GNAS: variants seen among roughly 807,000 people sequenced by gnomAD.
GNAS encodes the protein GNAS complex locus.
A neutral mutation model predicts 54.5 loss-of-function variants in GNAS; 8 were observed. The ratio of observed to expected loss-of-function variants is 0.15; its 90% CI spans 0.09 to 0.26. The LOEUF is 0.26. GNAS is among the 10% of genes least tolerant of loss of function. The pLI is 1.00. For synonymous variants in GNAS, 204 were observed against 191.4 expected (o/e 1.07, Z -0.54); for missense variants, 170 against 529.8 (o/e 0.32, Z 6.67).
Position 58,841,036 on chromosome 20 carries a change from G to A in GNAS, c.43+150G>A. On this transcript the variant is annotated intron_variant, in intron 1 of 12. Coordinates refer to the GNAS transcript ENST00000306090. This position sits in a 1 kb window ranked among gnomAD's most constrained non-coding sequence, Gnocchi z 5.0. ...CTGGGATCGGGGGTCAGGGTGAGGCGGCGAGGGCTCCCCCAAACTTCCCAG... is the reference window on the plus strand; with the variant it reads ...CTGGGATCGGGGGTCAGGGTGAGGCAGCGAGGGCTCCCCCAAACTTCCCAG... 3.2e-6 allele frequency: 3 copies of A among 932,616 alleles called. No individual in the cohort carries two copies. Among genetic ancestry groups the A allele is most frequent in the South Asian group, 1.6e-5 (1 of 60,854 alleles). 57.8% of individuals were successfully genotyped at this position (932,616 alleles called of 1,614,324 possible). A position where few individuals can be genotyped will look rare whatever the true frequency, so the allele number is the denominator to read the frequency against.
At chr20:58,890,213 G>A (rs1421710610), upstream of GNAS, among the ~76,000 whole-genome samples, 13 of 151,586 alleles carry the variant, frequency 8.6e-5, no homozygotes, top group South Asian at 1.0e-3. Context: ...AGAAGAAGAA[G>A]AAGGTGCCAG....
intron 1 of GNAS, chr20:58,892,075 C>T (rs932178098): frequency 1.1e-5 from 11 of 959,110 alleles, no homozygotes; most frequent in Non-Finnish European, 1.2e-5. Flanking sequence ...GGCGGGGGGC[C>T]GTGGCGACGC....
At position 58,891,709 on chromosome 20, in the gene GNAS, G is replaced by T; in HGVS notation, c.-18G>T. ...CGCCGCCGCAGCCCGGCCGCGCCCCGCCGCCGCCGCCGCCGCCATGGGCTG... is the reference window on the plus strand; with the variant it reads ...CGCCGCCGCAGCCCGGCCGCGCCCCTCCGCCGCCGCCGCCGCCATGGGCTG... On this transcript the variant is annotated 5_prime_UTR_variant, in exon 1 of 13. Transcript: ENST00000371085. 2.1e-6 allele frequency: 2 copies of T among 970,966 alleles called. No homozygotes were observed. The highest frequency in any genetic ancestry group is 2.5e-6 in the Non-Finnish European group (2 of 789,874). The allele number at this position is 970,966 out of a possible 1,614,324, so 60.1% of individuals were successfully genotyped here. A position where few individuals can be genotyped will look rare whatever the true frequency, so the allele number is the denominator to read the frequency against.
intron 1 of GNAS, among the ~76,000 whole-genome samples, chr20:58,885,501 G>A (rs1164231720): frequency 2.0e-5 from 3 of 152,172 alleles, no homozygotes; most frequent in Non-Finnish European, 4.4e-5. Flanking sequence ...TGGCCATGTA[G>A]TTAATTCTTC....
chr20:58,853,211 TG>T lies in GNAS; in HGVS notation c.43+12328del. 6.7e-7 allele frequency: 1 copy of T among 1,484,458 alleles called. No individual in the cohort carries two copies. Among genetic ancestry groups the T allele is most frequent in the Non-Finnish European group, 9.0e-7 (1 of 1,115,266 alleles). 92.0% of individuals were successfully genotyped at this position (1,484,458 alleles called of 1,614,324 possible). Reference sequence around the variant, plus strand: ...AATAATTTTTTCACCCTAGTTCGGTTGGGTGCTCCATCTTACGGAGCCCCAA... The same window carrying T: ...AATAATTTTTTCACCCTAGTTCGGTTGGTGCTCCATCTTACGGAGCCCCAA... On this transcript the variant is annotated intron_variant, in intron 1 of 12. Coordinates refer to the GNAS transcript ENST00000306090. The surrounding 1 kb of genome is among the most constrained non-coding windows in gnomAD (Gnocchi z 4.4).
chr20:58,844,050 G>A (rs765350123), intron 1 of GNAS: 2 of 152,208 alleles, frequency 1.3e-5, no homozygotes, highest in Non-Finnish European at 2.9e-5. Flanking sequence ...GGTTAAGGAG[G>A]AAGAAAGCTG....
upstream of GNAS, among the ~76,000 whole-genome samples, chr20:58,888,194 G>A (rs1168103853): frequency 6.6e-6 from 1 of 152,140 alleles, no homozygotes; most frequent in Non-Finnish European, 1.5e-5. Context: ...TGTGGACTTT[G>A]CATATCTGGG....
intron 3 of GNAS, among the ~76,000 whole-genome samples, chr20:58,901,876 CCTGCTCGT>C (rs545103571): frequency 1.0e-3 from 139 of 134,296 alleles, no homozygotes; most frequent in South Asian, 4.4e-3. Context: ...ACTGCCCTGC[CCTGCTCGT>C]CTGCTCGTCT....
chr20:58,892,147 C>G (rs953517853), intron 1 of GNAS: 1 of 960,858 alleles, frequency 1.0e-6, no homozygotes, highest in Non-Finnish European at 1.2e-6. Context: ...CTCGCTCTCG[C>G]TCTCCCCCTC....
At chr20:58,852,036 C>T (rs2086195488) in intron 1 of GNAS, among the ~76,000 whole-genome samples, 3 of 152,248 alleles carry the variant, frequency 2.0e-5, no homozygotes, top group Admixed American at 2.0e-4. Context: ...TTCCCTAGAA[C>T]AGCAGGACCT....
chr20:58,842,844 G>T (rs1036164738), intron 1 of GNAS, among the ~76,000 whole-genome samples: 3 of 152,238 alleles, frequency 2.0e-5, no homozygotes, highest in African/African-American at 7.2e-5. Flanking sequence ...AAGTGTGGGA[G>T]CTATCTTCAG....
chr20:58,879,921 A>C (rs114764755), intron 1 of GNAS, among the ~76,000 whole-genome samples: 2,171 of 152,320 alleles, frequency 0.014, 65 homozygotes, highest in African/African-American at 0.05. Flanking sequence ...AAGGTTGAGA[A>C]GCATTTCGCT....
In GNAS at chr20:58,910,613, T is replaced by C; in HGVS notation, c.1039-70T>C. The stretch of plus-strand genomic sequence containing the variant: ...CTGGCTGACAGCCGTCCCTGGTAGG[T>C]GTCCCCATCAGGGATAGGGTGGTTC... On this transcript the variant is annotated intron_variant, in intron 12 of 12. Coordinates refer to ENST00000371085, the MANE Select transcript of GNAS (RefSeq NM_000516.7). The surrounding 1 kb of genome is among the most constrained non-coding windows in gnomAD (Gnocchi z 5.8). The C allele has an allele frequency of 6.6e-7, 1 of 1,518,330 alleles. No homozygotes were observed. The highest frequency in any genetic ancestry group is 9.1e-7 in the Non-Finnish European group (1 of 1,093,420). The allele number at this position is 1,518,330 out of a possible 1,614,324, so 94.1% of individuals were successfully genotyped here. A position where few individuals can be genotyped will look rare whatever the true frequency, so the allele number is the denominator to read the frequency against.
chr20:58,903,878 T>A (rs1174431614), intron 5 of GNAS, 87 bp downstream of exon 5: 7 of 1,416,472 alleles, frequency 4.9e-6, no homozygotes, highest in Non-Finnish European at 7.0e-6. Flanking sequence ...GCCCTGCACA[T>A]GGGCAGGAGC....
At chr20:58,896,657 AAAAC>A (rs2090089915) in intron 2 of GNAS, among the ~76,000 whole-genome samples, 1 of 152,076 alleles carries the variant, frequency 6.6e-6, no homozygotes, top group African/African-American at 2.4e-5. Flanking sequence ...ACAAAACAAA[AAAAC>A]TAAGTTGACC....
In GNAS at chr20:58,910,525, C is replaced by T; in HGVS notation, c.1038+124C>T. ...TTCCATGGTTTTAGTTCACGCACAT[C>T]CAGTGTGGATTTGAGCTCTTTGCGC... is the stretch of plus-strand genomic sequence containing the variant. On this transcript the variant is annotated intron_variant, in intron 12 of 12. Coordinates refer to ENST00000371085, the MANE Select transcript of GNAS (RefSeq NM_000516.7). The surrounding 1 kb of genome is among the most constrained non-coding windows in gnomAD (Gnocchi z 5.8). 2 of 1,134,938 alleles carry T rather than the reference C, an allele frequency of 1.8e-6. No homozygotes were observed. The highest frequency in any genetic ancestry group is 2.7e-6 in the Non-Finnish European group (2 of 753,782). 70.3% of individuals were successfully genotyped at this position (1,134,938 alleles called of 1,614,324 possible).
At chr20:58,840,781 C>T, upstream of GNAS, 1 of 1,610,634 alleles carries the variant, frequency 6.2e-7, no homozygotes, top group African/African-American at 1.3e-5. The surrounding 1 kb of genome is among the most constrained non-coding windows in gnomAD (Gnocchi z 6.0). Flanking sequence ...AGAAGCCCAC[C>T]CGCCGTGACG....
intron 1 of GNAS, chr20:58,895,154 G>C (rs976456160): frequency 7.7e-6 from 2 of 261,098 alleles, no homozygotes; most frequent in Non-Finnish European, 1.5e-5. Context: ...GGGCATTGTT[G>C]GGAATCCCGG....
At chr20:58,905,039 T>C (rs900852934) in intron 5 of GNAS, among the ~76,000 whole-genome samples, 2 of 152,238 alleles carry the variant, frequency 1.3e-5, no homozygotes, top group African/African-American at 4.8e-5. Context: ...GAACCATTTA[T>C]TGGCATATTC....
Sources: allele counts gnomAD v4.1 joint callset (sites outside exome capture counted in the v4.1 genomes callset), GRCh38; gene constraint gnomAD v4.1.1; non-coding constraint Gnocchi (gnomAD v3.1); transcripts MANE v1.5; gene names NCBI Gene and HGNC (gene_info 2026-07-23, HGNC 2026-07-21).